The following SYT1 variants were observed in gnomAD, a reference collection of about 807,000 sequenced individuals.
The protein encoded by SYT1 is synaptotagmin-1.
In SYT1, 8 loss-of-function variants were observed where a neutral mutation model predicts 44.8. The ratio of observed to expected loss-of-function variants is 0.18; its 90% CI spans 0.10 to 0.32. The LOEUF is 0.32. Ranked by LOEUF, SYT1 falls within the 10% of genes least tolerant of loss-of-function variation. The pLI is 1.00. For synonymous variants in SYT1, 154 were observed against 188.8 expected (o/e 0.82, Z 1.51); for missense variants, 286 against 509.3 (o/e 0.56, Z 4.22).
In SYT1 at chr12:79,063,315, C is replaced by T. The variant is rs148567493; in HGVS notation, c.-18+15953C>T. Among the ~76,000 whole-genome samples the T allele has an allele frequency of 2.8e-3, 429 of 152,160 alleles. 2 individuals are homozygous for T. The highest frequency in any genetic ancestry group is 9.9e-3 in the African/African-American group (409 of 41,522). Reference sequence around the variant, plus strand: ...CAGCTGGAGAACTTGTCTGTTGATGCCCTTGAAGAGTTTGTGGGATTATGT... The same window carrying T: ...CAGCTGGAGAACTTGTCTGTTGATGTCCTTGAAGAGTTTGTGGGATTATGT... On this transcript the variant is annotated intron_variant, in intron 3 of 10. Transcript: ENST00000261205.
intron 1 of SYT1, among the ~76,000 whole-genome samples, chr12:78,881,553 T>G (rs1252452976): frequency 6.6e-6 from 1 of 151,706 alleles, no homozygotes; most frequent in Admixed American, 6.6e-5. Context: ...TATTTAGCCT[T>G]GATGGGGGAA....
At chr12:78,986,653 G>C (rs533147746) in intron 2 of SYT1, among the ~76,000 whole-genome samples, 3 of 151,956 alleles carry the variant, frequency 2.0e-5, no homozygotes, top group South Asian at 4.1e-4. Context: ...ATTAAGAAAG[G>C]CTTTTCATTC....
chr12:79,443,756 G>C (rs998102829), intron 9 of SYT1, among the ~76,000 whole-genome samples: 33 of 152,178 alleles, frequency 2.2e-4, no homozygotes, highest in Middle Eastern at 3.4e-3. Flanking sequence ...CTTGACATTG[G>C]CCTTGGTTGG....
intron 9 of SYT1, among the ~76,000 whole-genome samples, chr12:79,391,693 C>T (rs1422894285): frequency 1.3e-5 from 2 of 152,090 alleles, no homozygotes; most frequent in East Asian, 3.8e-4. Context: ...TTCCCGCCCC[C>T]CAACAGTTTT....
chr12:78,884,734 G>T (rs1215546777), intron 1 of SYT1, among the ~76,000 whole-genome samples: 3 of 151,316 alleles, frequency 2.0e-5, no homozygotes, highest in African/African-American at 4.8e-5. Context: ...GAATATTAAA[G>T]CTTTTCAAAA....
chr12:79,319,303 G>A (rs1214591073), intron 8 of SYT1, among the ~76,000 whole-genome samples: 2 of 152,158 alleles, frequency 1.3e-5, no homozygotes, highest in Non-Finnish European at 2.9e-5. Flanking sequence ...ACTGTGCTCA[G>A]TGTGTAACTC....
chr12:79,169,841 C>T (rs1307078805), intron 3 of SYT1, among the ~76,000 whole-genome samples: 1 of 151,908 alleles, frequency 6.6e-6, no homozygotes, highest in Non-Finnish European at 1.5e-5. Context: ...TGATCCTCTC[C>T]CTCCTTCACC....
At chr12:79,166,744 A>G (rs531399240) in intron 3 of SYT1, among the ~76,000 whole-genome samples, 9 of 151,774 alleles carry the variant, frequency 5.9e-5, no homozygotes, top group Non-Finnish European at 1.2e-4. Context: ...TGTATGAAAG[A>G]CTCCAGATGC....
intron 3 of SYT1, among the ~76,000 whole-genome samples, chr12:79,193,400 T>C (rs141909731): frequency 8.5e-4 from 130 of 152,164 alleles, no homozygotes; most frequent in African/African-American, 3.0e-3. Flanking sequence ...AATAATTAAG[T>C]GGGAGTGGAA....
At chr12:79,418,075 T>C (rs1028448844) in intron 9 of SYT1, among the ~76,000 whole-genome samples, 1 of 152,198 alleles carries the variant, frequency 6.6e-6, no homozygotes, top group East Asian at 1.9e-4. Context: ...GACTTGTATA[T>C]AGAACATGTA....
intron 2 of SYT1, among the ~76,000 whole-genome samples, chr12:79,015,891 G>A (rs1442368863): frequency 1.3e-5 from 2 of 152,118 alleles, no homozygotes; most frequent in African/African-American, 2.4e-5. Context: ...TCTGAGGTAA[G>A]GGGAGGTTAA....
chr12:79,240,538 A>T (rs554572528), intron 4 of SYT1, among the ~76,000 whole-genome samples: 1 of 152,352 alleles, frequency 6.6e-6, no homozygotes, highest in Non-Finnish European at 1.5e-5. Flanking sequence ...TGAATCCTTC[A>T]AAGGTTATAT....
intron 1 of SYT1, among the ~76,000 whole-genome samples, chr12:78,933,566 G>A (rs1877873420): frequency 1.3e-5 from 2 of 152,016 alleles, no homozygotes; most frequent in South Asian, 2.1e-4. Context: ...TACTTGTCAA[G>A]TTCAAGACCA....
At chr12:79,357,928 G>A (rs1241368825) in intron 9 of SYT1, among the ~76,000 whole-genome samples, 3 of 152,126 alleles carry the variant, frequency 2.0e-5, no homozygotes, top group Admixed American at 6.6e-5. Flanking sequence ...AAACATTGAG[G>A]CTTCCCAAAG....
chr12:78,876,017 C>G (rs1307697028), intron 1 of SYT1, among the ~76,000 whole-genome samples: 1 of 151,558 alleles, frequency 6.6e-6, no homozygotes, highest in Non-Finnish European at 1.5e-5. Context: ...AAGTCAACAC[C>G]TTAACTTTTT....
At chr12:78,977,389 C>T (rs1227850175) in intron 1 of SYT1, 2 of 152,152 alleles carry the variant, frequency 1.3e-5, no homozygotes, top group African/African-American at 4.8e-5. Context: ...GATAGCACTC[C>T]AGTATCCTAA....
intron 2 of SYT1, among the ~76,000 whole-genome samples, chr12:79,030,163 T>C (rs1413197625): frequency 6.6e-6 from 1 of 151,200 alleles, no homozygotes; most frequent in Non-Finnish European, 1.5e-5. Context: ...AAACATTACC[T>C]GATCAAATAA....
At chr12:79,363,381 A>AACACTATAATAAT (rs1227037722) in intron 9 of SYT1, among the ~76,000 whole-genome samples, 8 of 152,062 alleles carry the variant, frequency 5.3e-5, no homozygotes, top group Admixed American at 3.3e-4. Context: ...TTGAGTCTCA[A>AACACTATAATAAT]ACACTATAAT....
At chr12:79,035,454 C>A (rs957812962) in intron 2 of SYT1, among the ~76,000 whole-genome samples, 2 of 151,674 alleles carry the variant, frequency 1.3e-5, no homozygotes, top group Non-Finnish European at 3.0e-5. Flanking sequence ...ATGAAGCCAA[C>A]AATTATGTAT....
Sources: gnomAD v4.1 joint callset for allele counts (sites outside exome capture counted in the v4.1 genomes callset) on GRCh38, gnomAD v4.1.1 for gene constraint, MANE v1.5 for transcripts, NCBI Gene and HGNC (gene_info 2026-07-23, HGNC 2026-07-21) for gene names.